The following FOXP2 variants were observed in gnomAD, a reference collection of about 807,000 sequenced individuals.
FOXP2 encodes the protein forkhead box protein P2.
In FOXP2, 12 loss-of-function variants were observed where a neutral mutation model predicts 115.8. The ratio of observed to expected loss-of-function variants is 0.10; its 90% CI spans 0.07 to 0.17. The LOEUF (loss-of-function observed/expected upper bound fraction) is 0.17. Ranked by LOEUF, FOXP2 falls within the 10% of genes least tolerant of loss-of-function variation. The probability of loss-of-function intolerance (pLI) is 1.00; values close to 1 mark genes in which losing one functional copy is unlikely to be tolerated. For synonymous variants in FOXP2, 328 were observed against 297.7 expected (o/e 1.10, Z -1.05); for missense variants, 629 against 843.5 (o/e 0.75, Z 3.15).
At chr7:114,098,128 G>A (rs561687073) in intron 1 of FOXP2, among the ~76,000 whole-genome samples, 156 of 152,280 alleles carry the variant, frequency 1.0e-3, no homozygotes, top group African/African-American at 3.7e-3. Context: ...TTGTTAGTTT[G>A]AAAATGCTAA....
chr7:114,608,789 G>T (rs1056829825), intron 3 of FOXP2, among the ~76,000 whole-genome samples: 3 of 152,064 alleles, frequency 2.0e-5, no homozygotes, highest in South Asian at 2.1e-4. Flanking sequence ...ACAACAAAAG[G>T]TGTTTTATTA....
intron 1 of FOXP2, among the ~76,000 whole-genome samples, chr7:114,233,186 G>A (rs1388598916): frequency 6.6e-6 from 1 of 152,124 alleles, no homozygotes; most frequent in East Asian, 1.9e-4. Flanking sequence ...TAAAATAAGA[G>A]AGAAATGCCT....
intron 2 of FOXP2, among the ~76,000 whole-genome samples, chr7:114,400,160 A>T (rs1792852395): frequency 6.6e-6 from 1 of 152,016 alleles, no homozygotes; most frequent in Admixed American, 6.5e-5. Flanking sequence ...GCCTGGCCAG[A>T]GTCATCATTT....
At chr7:114,297,003 G>T (rs1028339028) in intron 2 of FOXP2, 8 of 224,944 alleles carry the variant, frequency 3.6e-5, no homozygotes, top group East Asian at 2.5e-4. Context: ...CATTTCATTT[G>T]TTTCACAGGT....
At chr7:114,312,699 C>T (rs1261006178) in intron 2 of FOXP2, among the ~76,000 whole-genome samples, 1 of 152,158 alleles carries the variant, frequency 6.6e-6, no homozygotes, top group African/African-American at 2.4e-5. Flanking sequence ...GTGTTGGTTC[C>T]CCTTGCCTCA....
Position 114,585,668 on chromosome 7 carries a change from C to T in FOXP2, c.259-42872C>T, listed in dbSNP as rs887009826. Reference sequence around the variant, plus strand: ...TCACTGATGGCCAGGAGTTAAAGACCAGCCTGGCCAACATGATGAAACCCC... The same window carrying T: ...TCACTGATGGCCAGGAGTTAAAGACTAGCCTGGCCAACATGATGAAACCCC... On this transcript the variant is annotated intron_variant, in intron 3 of 16. Transcript: ENST00000350908. Among the ~76,000 whole-genome samples the T allele has an allele frequency of 7.9e-5, 12 of 151,422 alleles. No individual in the cohort carries two copies. In the East Asian group the frequency reaches 2.1e-3, roughly 27 times the overall value.
chr7:114,379,294 CTGAT>C (rs1792220993), intron 2 of FOXP2, among the ~76,000 whole-genome samples: 1 of 152,144 alleles, frequency 6.6e-6, no homozygotes, highest in Non-Finnish European at 1.5e-5. Flanking sequence ...AGTGAGCTCT[CTGAT>C]TGGTTGGGTG....
intron 8 of FOXP2, among the ~76,000 whole-genome samples, chr7:114,650,597 C>T (rs1260120733): frequency 6.6e-6 from 1 of 152,008 alleles, no homozygotes; most frequent in African/African-American, 2.4e-5. Flanking sequence ...ATTGGTGACA[C>T]TTTCTGTTAA....
intron 1 of FOXP2, among the ~76,000 whole-genome samples, chr7:114,215,650 T>C (rs1015470232): frequency 1.3e-5 from 2 of 152,112 alleles, no homozygotes; most frequent in African/African-American, 2.4e-5. Context: ...TTGGTTAAGA[T>C]ACTGCTTTTT....
Position 114,581,450 on chromosome 7 carries a change from T to C in FOXP2, c.258+46744T>C, listed in dbSNP as rs368168908. On this transcript the variant is annotated intron_variant, in intron 3 of 16. Coordinates refer to ENST00000350908, the MANE Select transcript of FOXP2 (RefSeq NM_014491.4). ...AGCCACTGTGCCTGGCCATCTTCTT[T>C]ATAATTAACACTTTTTTGTGTGTCA... Among the ~76,000 whole-genome samples, 5 of 152,094 alleles carry C rather than the reference T, an allele frequency of 3.3e-5. No homozygotes were observed. In the East Asian group the frequency reaches 7.7e-4, roughly 23 times the overall value.
Position 114,689,869 on chromosome 7 carries a change from A to G in FOXP2, c.2091A>G (p.Pro697=), listed in dbSNP as rs1289285102. The G allele has an allele frequency of 6.2e-7, 1 of 1,613,470 alleles. No homozygotes were observed. The highest frequency in any genetic ancestry group is 1.3e-5 in the African/African-American group (1 of 74,896). The change falls in exon 17 of 17, where the codon CCA becomes CCG. Residue 697 remains proline, a synonymous_variant. Transcript: ENST00000350908. ...TAGTGACAACAGCTAATCACAGTCC[A>G]GAATTAGAAGACGACAGAGAGATTG... ...MSLVTTANHS[P]ELEDDREIEE... is the part of the protein sequence containing the mutation.
Position 114,458,546 on chromosome 7 carries a change from C to CTT in FOXP2, c.168+31885_168+31886dup, listed in dbSNP as rs1177402028. On this transcript the variant is annotated intron_variant, in intron 2 of 16. Transcript: ENST00000350908. The stretch of plus-strand genomic sequence containing the variant: ...TTGCTTAACTATGATATTTTCTTTT[C>CTT]TTTTTTTTTTTTTTTTTTTGAGACA... Among the ~76,000 whole-genome samples the CTT allele has an allele frequency of 5.2e-3, 584 of 113,380 alleles. 13 individuals carry two copies. The highest frequency in any genetic ancestry group is 8.2e-3 in the Admixed American group (83 of 10,062). 74.4% of individuals were successfully genotyped at this position (113,380 alleles called of 152,430 possible).
intron 2 of FOXP2, among the ~76,000 whole-genome samples, chr7:114,298,498 C>T (rs1348913930): frequency 2.6e-5 from 4 of 152,180 alleles, no homozygotes; most frequent in African/African-American, 9.6e-5. Flanking sequence ...GTATTCTTCT[C>T]AGTTATCCAC....
intron 2 of FOXP2, among the ~76,000 whole-genome samples, chr7:114,290,785 A>C (rs562676316): frequency 6.6e-6 from 1 of 152,220 alleles, no homozygotes; most frequent in Non-Finnish European, 1.5e-5. Context: ...CTTATATGAA[A>C]CCTTGAACAA....
At position 114,628,540 on chromosome 7, in the gene FOXP2, G is replaced by A. The variant is rs1342506252; in HGVS notation, c.259G>A (p.Val87Met). 2.1e-5 allele frequency: 34 copies of A among 1,613,842 alleles called. No individual in the cohort carries two copies. Among genetic ancestry groups the A allele is most frequent in the Non-Finnish European group, 2.9e-5 (34 of 1,179,980 alleles). The change falls in exon 4 of 17, where the codon GTG becomes ATG. Residue 87 changes from valine to methionine, a missense_variant and splice_region_variant. By Grantham distance (21) the Val-to-Met change is conservative. This residue lies in a region of FOXP2 where 91 missense variants were observed against 98.3 expected (regional missense o/e 0.93). Coordinates refer to ENST00000350908, the MANE Select transcript of FOXP2 (RefSeq NM_014491.4). ...KSSDKQRPLQ[V>M]PVSVAMMTPQ... ...CTTTCTCTTTCTCTTTCTGTGCAAG[G>A]TGCCTGTGTCAGTGGCCATGATGAC...
intron 16 of FOXP2, chr7:114,666,618 A>G (rs1043956147): frequency 5.9e-5 from 9 of 152,172 alleles, no homozygotes; most frequent in East Asian, 1.9e-4. Context: ...CAGCATACTT[A>G]TATCTCCTAA....
chr7:114,146,506 A>T (rs1792373085), intron 1 of FOXP2, among the ~76,000 whole-genome samples: 1 of 152,132 alleles, frequency 6.6e-6, no homozygotes, highest in Admixed American at 6.5e-5. Context: ...ATTGAGGAGG[A>T]TGCGATTGAT....
chr7:114,189,928 G>C (rs1051587134), intron 1 of FOXP2, among the ~76,000 whole-genome samples: 3 of 152,034 alleles, frequency 2.0e-5, no homozygotes, highest in Non-Finnish European at 4.4e-5. Flanking sequence ...ATGCAAATGA[G>C]TGCATGTTTA....
intron 7 of FOXP2, among the ~76,000 whole-genome samples, chr7:114,642,863 C>G (rs1805651397): frequency 7.7e-6 from 1 of 130,412 alleles, no homozygotes; most frequent in South Asian, 2.5e-4. Flanking sequence ...TGCTGGAGTG[C>G]AGTGGCACAA....
Sources: allele counts gnomAD v4.1 joint callset (sites outside exome capture counted in the v4.1 genomes callset), GRCh38; gene constraint gnomAD v4.1.1; regional missense constraint gnomAD v4.1.1; transcripts MANE v1.5; gene names NCBI Gene and HGNC (gene_info 2026-07-23, HGNC 2026-07-21).